Variants in NLRC5 observed in about 807,000 individuals in gnomAD.
NLRC5 encodes the protein NLR family CARD domain containing 5.
Under a neutral mutation model 206.9 loss-of-function variants are expected in NLRC5, and 114 were observed. The ratio of observed to expected loss-of-function variants is 0.55; its 90% CI spans 0.47 to 0.64. NLRC5 has a LOEUF of 0.64. Ranked by LOEUF, NLRC5 falls within the 30% of genes least tolerant of loss-of-function variation. The probability of loss-of-function intolerance (pLI) is 0.00; values close to 1 mark genes in which losing one functional copy is unlikely to be tolerated. For missense variants in NLRC5, 2,008 were observed against 2,305.5 expected (o/e 0.87, Z 2.64); for synonymous variants, 952 against 962.8 (o/e 0.99, Z 0.21).
At chr16:57,074,298 C>G (rs1366327789) in intron 38 of NLRC5, 3 of 253,906 alleles carry the variant, frequency 1.2e-5, no homozygotes, top group Non-Finnish European at 2.4e-5. Flanking sequence ...CCAGATGGCC[C>G]CAAGCCCTGA....
At chr16:57,036,887 G>A (rs1247806807) in intron 14 of NLRC5, among the ~76,000 whole-genome samples, 1 of 152,176 alleles carries the variant, frequency 6.6e-6, no homozygotes, top group African/African-American at 2.4e-5. Context: ...TTTGTACAGA[G>A]TCTGGTATAG....
chr16:57,009,319 C>A (rs563951044), intron 1 of NLRC5, among the ~76,000 whole-genome samples: 2 of 150,116 alleles, frequency 1.3e-5, no homozygotes, highest in Non-Finnish European at 3.0e-5. Flanking sequence ...TAAAGCTGGG[C>A]GCAGTGGCTC....
chr16:57,080,975 G>A (rs2069061540), intron 46 of NLRC5, 123 bp from the exon 47 acceptor site: 3 of 751,766 alleles, frequency 4.0e-6, no homozygotes, highest in Admixed American at 2.2e-5. Context: ...ACCCTATCAG[G>A]TGGCCTCTCT....
At chr16:57,046,199 A>G (rs1447411472) in intron 21 of NLRC5, among the ~76,000 whole-genome samples, 1 of 152,194 alleles carries the variant, frequency 6.6e-6, no homozygotes, top group Admixed American at 6.5e-5. Flanking sequence ...GGCCCAAAGA[A>G]CTGACGTACA....
chr16:57,079,685 C>A, intron 46 of NLRC5, 56 bp downstream of exon 46: 2 of 1,494,842 alleles, frequency 1.3e-6, no homozygotes, highest in South Asian at 1.1e-5. Context: ...CGGGAGGGGT[C>A]GGGGGAGTTG....
intron 1 of NLRC5, chr16:56,990,647 A>C (rs2056703913): frequency 6.6e-6 from 1 of 152,178 alleles, no homozygotes; most frequent in Non-Finnish European, 1.5e-5. Flanking sequence ...CAGACCTAAA[A>C]AGCAGTTTGA....
rs772533358 is a variant in NLRC5, at chr16:57,020,737, G to A, written c.25G>A (p.Gly9Ser). ...CATGGACCCCGTTGGCCTCCAGCTC[G>A]GCAACAAGAACCTGTGGAGCTGTCT... is the stretch of plus-strand genomic sequence containing the variant. MDPVGLQL[G>S]NKNLWSCLVR... The change falls in exon 3 of 49, where the codon GGC becomes AGC. Residue 9 changes from glycine to serine, a missense_variant. Coordinates refer to ENST00000688547, the MANE Select transcript of NLRC5 (RefSeq NM_001384950.1). 2.5e-5 allele frequency: 41 copies of A among 1,609,882 alleles called. No homozygotes were observed. The Middle Eastern group carries it at 9.9e-4, about 39-fold the overall frequency.
intron 18 of NLRC5, 32 bp downstream of exon 18, chr16:57,041,606 G>A: frequency 6.3e-7 from 1 of 1,577,254 alleles, no homozygotes; most frequent in Non-Finnish European, 8.7e-7. Flanking sequence ...AGGTGGGTGG[G>A]TGGGGCCAAT....
chr16:57,030,142 G>C (rs1317502371), intron 10 of NLRC5, 58 bp downstream of exon 10: 16 of 1,418,812 alleles, frequency 1.1e-5, no homozygotes, highest in Non-Finnish European at 1.3e-5. Flanking sequence ...GGAGGGGAAA[G>C]TGGGATGGGA....
At chr16:57,072,289 G>T (rs537677933) in intron 38 of NLRC5, among the ~76,000 whole-genome samples, 13 of 152,258 alleles carry the variant, frequency 8.5e-5, no homozygotes, top group Non-Finnish European at 1.6e-4. Flanking sequence ...ACAACAAAAG[G>T]TCCTAGACTG....
chr16:57,025,706 G>T lies in NLRC5; in HGVS notation c.763G>T (p.Ala255Ser). The T allele has an allele frequency of 6.2e-7, 1 of 1,614,218 alleles. No individual in the cohort carries two copies. The highest frequency in any genetic ancestry group is 8.5e-7 in the Non-Finnish European group (1 of 1,180,034). The change falls in exon 6 of 49, where the codon GCC becomes TCC. Residue 255 changes from alanine (A) to serine (S), a missense_variant. Physicochemically the swap from Ala to Ser is moderately conservative, Grantham distance 99. Transcript: ENST00000688547. ...WAEGHLNCFQALFLFEFRQLN... is the reference protein window; with the variant it reads ...WAEGHLNCFQSLFLFEFRQLN... ...AGAGGGCCATCTGAACTGTTTCCAG[G>T]CCCTGTTCCTTTTTGAATTCCGCCA...
At chr16:57,055,372 C>A in intron 26 of NLRC5, 61 bp from the exon 27 acceptor site, 1 of 1,507,454 alleles carries the variant, frequency 6.6e-7, no homozygotes, top group Non-Finnish European at 9.2e-7. Context: ...CTAGCCAGGC[C>A]GGAGGGGGTC....
Position 57,067,818 on chromosome 16 carries a change from A to G in NLRC5, c.4489A>G (p.Lys1497Glu). The G allele has an allele frequency of 6.2e-7, 1 of 1,613,896 alleles. No individual in the cohort carries two copies. The highest frequency in any genetic ancestry group is 8.5e-7 in the Non-Finnish European group (1 of 1,179,790). ...QSLLLSLSEL[K>E]TFRLTSSCVS... is the part of the protein sequence containing the mutation. ...CCTCCTGCTGTCCCTCTCTGAGCTG[A>G]AGACATTTCGGTATGTAGACAAGAC... is the stretch of plus-strand genomic sequence containing the variant. Residue 1497 changes from lysine to glutamate, a missense_variant, in exon 36 of 49, where the codon AAG becomes GAG. Transcript: ENST00000688547.
intron 1 of NLRC5, among the ~76,000 whole-genome samples, chr16:57,011,711 A>T (rs1307605952): frequency 9.2e-6 from 1 of 108,766 alleles, no homozygotes; most frequent in Non-Finnish European, 2.0e-5. Context: ...ACAGAGCAAG[A>T]CCCTGTGTCA....
At chr16:57,060,997 G>T (rs1179609517) in intron 30 of NLRC5, among the ~76,000 whole-genome samples, 1 of 152,244 alleles carries the variant, frequency 6.6e-6, no homozygotes, top group African/African-American at 2.4e-5. Context: ...TGCTGGTCCG[G>T]GAGAGTAAGG....
At chr16:57,036,918 G>A (rs1252603069) in intron 14 of NLRC5, among the ~76,000 whole-genome samples, 3 of 152,096 alleles carry the variant, frequency 2.0e-5, no homozygotes, top group Non-Finnish European at 4.4e-5. Context: ...GAAAATGGTG[G>A]TTATTTTACA....
At chr16:57,028,817 T>C (rs1273175141) in intron 8 of NLRC5, among the ~76,000 whole-genome samples, 2 of 152,208 alleles carry the variant, frequency 1.3e-5, no homozygotes, top group African/African-American at 2.4e-5. Context: ...CACTCATAGG[T>C]GTGCACATGT....
At chr16:57,000,959 G>T (rs965885056) in intron 1 of NLRC5, among the ~76,000 whole-genome samples, 3 of 152,154 alleles carry the variant, frequency 2.0e-5, no homozygotes, top group African/African-American at 7.2e-5. Context: ...TCCCTCCCAG[G>T]GCCTCAGTTT....
intron 41 of NLRC5, 122 bp from the exon 42 acceptor site, chr16:57,077,595 GGT>G (rs1357161152): frequency 2.9e-6 from 3 of 1,026,678 alleles, no homozygotes; most frequent in Non-Finnish European, 4.3e-6. Context: ...TGTCTGGGTA[GGT>G]GTGTGGTGTC....
Sources: allele counts gnomAD v4.1 joint callset (sites outside exome capture counted in the v4.1 genomes callset), GRCh38; gene constraint gnomAD v4.1.1; transcripts MANE v1.5; gene names NCBI Gene and HGNC (gene_info 2026-07-23, HGNC 2026-07-21).